The following CDC42BPA variants were observed in gnomAD, a reference collection of about 807,000 sequenced individuals.
CDC42BPA encodes the protein serine/threonine-protein kinase MRCK alpha.
Under a neutral mutation model 223.5 loss-of-function variants are expected in CDC42BPA, and 80 were observed. The ratio of observed to expected loss-of-function variants is 0.36; its 90% confidence interval spans 0.30 to 0.43. The LOEUF (loss-of-function observed/expected upper bound fraction) is 0.43, where lower values mean the gene tolerates loss of function less well. CDC42BPA is among the 20% of genes least tolerant of loss of function. The pLI is 1.00. For missense variants in CDC42BPA, 1,743 were observed against 2,099.9 expected (o/e 0.83, Z 3.32); for synonymous variants, 694 against 718.6 (o/e 0.97, Z 0.55).
intron 29 of CDC42BPA, among the ~76,000 whole-genome samples, chr1:227,029,963 C>T (rs1203423681): frequency 6.6e-6 from 1 of 151,950 alleles, no homozygotes; most frequent in Non-Finnish European, 1.5e-5. Flanking sequence ...GGAGAAACCT[C>T]ATCTCTACTA....
intron 1 of CDC42BPA, among the ~76,000 whole-genome samples, chr1:227,287,409 G>T (rs1193364665): frequency 6.6e-6 from 1 of 152,122 alleles, no homozygotes; most frequent in Non-Finnish European, 1.5e-5. Context: ...TATAATTTAT[G>T]CTGAAAATCT....
chr1:227,132,750 C>A (rs527949185), intron 10 of CDC42BPA, among the ~76,000 whole-genome samples: 4 of 151,428 alleles, frequency 2.6e-5, no homozygotes, highest in East Asian at 3.9e-4. Flanking sequence ...GCCCGCCCAT[C>A]GTCTGGGATG....
At chr1:227,310,494 T>C (rs951679741) in intron 1 of CDC42BPA, among the ~76,000 whole-genome samples, 13 of 152,084 alleles carry the variant, frequency 8.5e-5, no homozygotes, top group Non-Finnish European at 1.6e-4. Flanking sequence ...GCTGCTCTCA[T>C]ACAGTGATAG....
chr1:227,292,461 C>T (rs11805221), intron 1 of CDC42BPA, among the ~76,000 whole-genome samples: 46,755 of 151,884 alleles, frequency 0.31, 7,371 homozygotes, highest in East Asian at 0.37. Flanking sequence ...AAAAATCTTG[C>T]TCCAATTATT....
intron 2 of CDC42BPA, among the ~76,000 whole-genome samples, chr1:227,248,759 G>C (rs1681448648): frequency 6.6e-6 from 1 of 151,840 alleles, no homozygotes; most frequent in South Asian, 2.1e-4. Context: ...ATATACTGAT[G>C]AAACACTGAT....
At chr1:227,112,486 T>C (rs1489993182) in intron 13 of CDC42BPA, 64 bp from the exon 14 acceptor site, 8 of 1,251,718 alleles carry the variant, frequency 6.4e-6, no homozygotes, top group Non-Finnish European at 8.9e-6. Context: ...AAAACATTTA[T>C]CCCAATGAGA....
intron 1 of CDC42BPA, among the ~76,000 whole-genome samples, chr1:227,296,863 T>C (rs1572928485): frequency 6.7e-6 from 1 of 149,592 alleles, no homozygotes. Flanking sequence ...TTGTATATCA[T>C]TAATGCACAT....
chr1:227,152,682 T>C (rs1662010771), intron 6 of CDC42BPA, among the ~76,000 whole-genome samples: 1 of 152,110 alleles, frequency 6.6e-6, no homozygotes. Context: ...GCACGTAAGA[T>C]ACTAGAAATA....
Position 227,139,807 on chromosome 1 carries a change from A to G in CDC42BPA, c.1224-65T>C, listed in dbSNP as rs561314778. The G allele has an allele frequency of 1.3e-5, 14 of 1,071,302 alleles. No homozygotes were observed. In the Admixed American group the frequency reaches 3.9e-4, roughly 30 times the overall value. 66.4% of individuals were successfully genotyped at this position (1,071,302 alleles called of 1,614,324 possible). ...AAAAAGCTTGAAGAAAAACGTTAACATTTTTTAAAAATTGTTTTTAACTGA... is the reference window on the plus strand; with the variant it reads ...AAAAAGCTTGAAGAAAAACGTTAACGTTTTTTAAAAATTGTTTTTAACTGA... On this transcript the variant is annotated intron_variant, in intron 9 of 36. Transcript: ENST00000366766.
At chr1:227,077,318 T>C (rs1357633378) in intron 17 of CDC42BPA, among the ~76,000 whole-genome samples, 1 of 152,176 alleles carries the variant, frequency 6.6e-6, no homozygotes, top group Non-Finnish European at 1.5e-5. Flanking sequence ...AGAATACATG[T>C]GAATTTCCAG....
At chr1:227,287,718 T>C (rs1226388473) in intron 1 of CDC42BPA, among the ~76,000 whole-genome samples, 2 of 152,130 alleles carry the variant, frequency 1.3e-5, no homozygotes, top group African/African-American at 2.4e-5. Flanking sequence ...AATTGACAAA[T>C]AATTATACAT....
chr1:227,053,214 G>A (rs1275230654), intron 21 of CDC42BPA, among the ~76,000 whole-genome samples: 1 of 152,198 alleles, frequency 6.6e-6, no homozygotes, highest in Non-Finnish European at 1.5e-5. Context: ...GTCAACTTCT[G>A]TTCAATGTGG....
At chr1:227,096,878 A>G (rs1162105563) in intron 15 of CDC42BPA, among the ~76,000 whole-genome samples, 1 of 152,138 alleles carries the variant, frequency 6.6e-6, no homozygotes, top group African/African-American at 2.4e-5. Context: ...TGTGGCCTTC[A>G]AACTGACCTG....
chr1:227,100,557 T>C (rs1377873888), intron 15 of CDC42BPA, among the ~76,000 whole-genome samples: 1 of 152,068 alleles, frequency 6.6e-6, no homozygotes, highest in Non-Finnish European at 1.5e-5. Flanking sequence ...TAGCTACTTC[T>C]TTCTTACTAA....
chr1:227,147,436 A>G lies in CDC42BPA; in HGVS notation c.817T>C (p.Tyr273His). Residue 273 changes from tyrosine (Y) to histidine (H), a missense_variant, in exon 7 of 37, where the codon TAT (tyrosine) becomes CAT (histidine). Around this residue, in one of 6 missense-constraint regions of CDC42BPA, gnomAD observed 321 missense variants for 488.7 expected, o/e 0.66. Transcript: ENST00000366766. ...GGTGTTTCTCCGTAAAGCATTTCAT[A>G]CATACAGACCCCCAAAGACCACCAG... ...CDWWSLGVCM[Y>H]EMLYGETPFY... 6.2e-7 allele frequency: 1 copy of G among 1,613,582 alleles called. No individual in the cohort carries two copies. Among genetic ancestry groups the G allele is most frequent in the Non-Finnish European group, 8.5e-7 (1 of 1,179,714 alleles).
At position 227,091,942 on chromosome 1, in the gene CDC42BPA, G is replaced by A; in HGVS notation, c.2299C>T (p.Arg767Ter). Residue 767 changes from arginine (R) to a stop codon, truncating the protein, a stop_gained, in exon 16 of 37, where the codon CGA becomes TGA. Coordinates refer to ENST00000366766, the MANE Select transcript of CDC42BPA (RefSeq NM_001394014.1). LOFTEE classifies it high-confidence loss of function. ...FESEFKQQYEREKVLLTEENK... is the reference protein window; with the variant it reads ...FESEFKQQYE ...TCTTCAGTTAACAACACTTTTTCTC[G>A]TTCATATTGTTGTTTGAACTCACTT... The A allele has an allele frequency of 2.5e-6, 4 of 1,607,502 alleles. No homozygotes were observed. The highest frequency in any genetic ancestry group is 2.2e-5 in the East Asian group (1 of 44,596).
chr1:227,066,664 G>A (rs1374786133), intron 21 of CDC42BPA, among the ~76,000 whole-genome samples: 1 of 152,116 alleles, frequency 6.6e-6, no homozygotes, highest in African/African-American at 2.4e-5. Flanking sequence ...ACTGAGTGAT[G>A]AAGAGCTAAG....
chr1:227,196,024 C>T (rs1157433613), intron 4 of CDC42BPA, among the ~76,000 whole-genome samples: 4 of 151,826 alleles, frequency 2.6e-5, no homozygotes, highest in African/African-American at 9.7e-5. Context: ...GAAATGAAAG[C>T]CAAAGCAACA....
intron 21 of CDC42BPA, among the ~76,000 whole-genome samples, chr1:227,060,044 T>C (rs985825135): frequency 6.9e-6 from 1 of 145,934 alleles, no homozygotes; most frequent in African/African-American, 2.5e-5. Context: ...TTTTTTTTTT[T>C]TTTTGAGACG....
Sources: gnomAD v4.1 joint callset for allele counts (sites outside exome capture counted in the v4.1 genomes callset) on GRCh38, gnomAD v4.1.1 for gene constraint, gnomAD v4.1.1 regional missense constraint, MANE v1.5 for transcripts, NCBI Gene and HGNC (gene_info 2026-07-23, HGNC 2026-07-21) for gene names.